The following SHISA9 variants were observed in gnomAD, a reference collection of about 807,000 sequenced individuals.
The protein encoded by SHISA9 is shisa family member 9.
Under a neutral mutation model 38.0 loss-of-function variants are expected in SHISA9, and 13 were observed. The ratio of observed to expected loss-of-function variants is 0.34; its 90% CI spans 0.22 to 0.54. The LOEUF (loss-of-function observed/expected upper bound fraction) is 0.54, where lower values mean the gene tolerates loss of function less well. Among genes scored for constraint, SHISA9 ranks in the 20% least tolerant of loss-of-function variants. SHISA9 has a pLI of 0.91. For missense variants in SHISA9, 538 were observed against 575.8 expected (o/e 0.93, Z 0.67); for synonymous variants, 275 against 242.0 (o/e 1.14, Z -1.27).
the SHISA9 span, among the ~76,000 whole-genome samples, chr16:13,356,902 C>T: frequency 1.3e-5 from 2 of 152,086 alleles, no homozygotes; most frequent in African/African-American, 4.8e-5. Flanking sequence ...GAACTACCGT[C>T]GAGTTTGTAT....
At chr16:13,071,230 C>T (rs576073742) in intron 2 of SHISA9, among the ~76,000 whole-genome samples, 77 of 152,146 alleles carry the variant, frequency 5.1e-4, no homozygotes, top group Admixed American at 1.8e-3. Context: ...CAGGGTCATA[C>T]GTACAGCCAG....
chr16:13,265,630 C>T, the SHISA9 span, among the ~76,000 whole-genome samples: 11 of 141,140 alleles, frequency 7.8e-5, no homozygotes, highest in Non-Finnish European at 1.4e-4. Context: ...CTCTCCTCTT[C>T]TCTTCTCTCC....
At chr16:13,108,672 A>G (rs951894457) in intron 2 of SHISA9, among the ~76,000 whole-genome samples, 1 of 152,234 alleles carries the variant, frequency 6.6e-6, no homozygotes, top group Non-Finnish European at 1.5e-5. Flanking sequence ...TAGAGGGAAA[A>G]AAATCAGCGT....
intron 2 of SHISA9, among the ~76,000 whole-genome samples, chr16:13,114,582 C>T (rs2074012526): frequency 6.6e-6 from 1 of 151,582 alleles, no homozygotes; most frequent in African/African-American, 2.4e-5. Flanking sequence ...AACAACATGT[C>T]TTCAAATATT....
intron 2 of SHISA9, among the ~76,000 whole-genome samples, chr16:13,090,401 G>A (rs777789621): frequency 8.5e-5 from 13 of 152,118 alleles, no homozygotes; most frequent in South Asian, 2.1e-4. Context: ...TGACAGTGGG[G>A]TGTTAAAGTC....
At chr16:13,475,810 G>A in the SHISA9 span, among the ~76,000 whole-genome samples, 2 of 152,138 alleles carry the variant, frequency 1.3e-5, no homozygotes, top group African/African-American at 4.8e-5. Flanking sequence ...GGGAGACACT[G>A]ACAGATCATC....
At chr16:13,552,695 G>A in the SHISA9 span, among the ~76,000 whole-genome samples, 1 of 152,056 alleles carries the variant, frequency 6.6e-6, no homozygotes, top group South Asian at 2.1e-4. Flanking sequence ...GTGGAGCCTG[G>A]GGTGCTTTAG....
chr16:12,961,581 C>T lies in SHISA9; in HGVS notation c.691+44766C>T, dbSNP rs371730341. ...TGGAAAGGTCCCCAGAGCACCCCGG[C>T]CAAAACTGAGGAAGAGAACAGAGTT... On this transcript the variant is annotated intron_variant, in intron 2 of 4. Coordinates refer to ENST00000558583, the MANE Select transcript of SHISA9 (RefSeq NM_001145204.3). 1.6e-3 allele frequency among the ~76,000 whole-genome samples: 236 copies of T among 152,036 alleles called. 7 individuals carry two copies. The South Asian group carries it at 0.045, about 29-fold the overall frequency.
At chr16:13,212,418 A>G (rs2051129798) in intron 3 of SHISA9, among the ~76,000 whole-genome samples, 1 of 152,326 alleles carries the variant, frequency 6.6e-6, no homozygotes, top group East Asian at 1.9e-4. Flanking sequence ...AGTATCCTTC[A>G]TTTTATGAAA....
the SHISA9 span, among the ~76,000 whole-genome samples, chr16:13,390,180 C>CT: frequency 2.7e-5 from 4 of 149,920 alleles, no homozygotes; most frequent in Non-Finnish European, 4.4e-5. Context: ...TTCTCTCTCT[C>CT]TTTTTATAAG....
the SHISA9 span, among the ~76,000 whole-genome samples, chr16:13,503,702 T>C: frequency 6.8e-6 from 1 of 146,710 alleles, no homozygotes; most frequent in Non-Finnish European, 1.5e-5. Flanking sequence ...AAAAAAAAAT[T>C]GTAACTGTAT....
chr16:13,117,685 T>C (rs912032196), intron 2 of SHISA9, among the ~76,000 whole-genome samples: 19 of 152,166 alleles, frequency 1.2e-4, no homozygotes, highest in Non-Finnish European at 4.4e-5. Flanking sequence ...CCCTAGAGCC[T>C]TGGGAAGGGG....
At chr16:13,205,770 T>A (rs187008000) in intron 3 of SHISA9, among the ~76,000 whole-genome samples, 1 of 152,080 alleles carries the variant, frequency 6.6e-6, no homozygotes, top group African/African-American at 2.4e-5. Flanking sequence ...CTTCTTCTTT[T>A]TTCTTTTTTG....
At chr16:13,063,477 G>T (rs903566643) in intron 2 of SHISA9, among the ~76,000 whole-genome samples, 4 of 152,100 alleles carry the variant, frequency 2.6e-5, no homozygotes, top group Non-Finnish European at 5.9e-5. Context: ...TTGAATCTCA[G>T]TTTTCTCATC....
the SHISA9 span, among the ~76,000 whole-genome samples, chr16:13,384,145 T>A: frequency 6.6e-6 from 1 of 152,166 alleles, no homozygotes; most frequent in Admixed American, 6.5e-5. Flanking sequence ...CATTGAAATG[T>A]CTAGCAAATT....
At chr16:13,222,815 T>TATATATATATATAC (rs1430368739) in intron 4 of SHISA9, among the ~76,000 whole-genome samples, 2 of 70,922 alleles carry the variant, frequency 2.8e-5, no homozygotes, top group African/African-American at 1.9e-4. Flanking sequence ...TATATATACA[T>TATATATATATATAC]ACACACACCA....
At chr16:13,443,159 A>G in the SHISA9 span, among the ~76,000 whole-genome samples, 1 of 152,220 alleles carries the variant, frequency 6.6e-6, no homozygotes, top group Non-Finnish European at 1.5e-5. Flanking sequence ...GTGGAAAACA[A>G]TGTTTCAGGA....
the SHISA9 span, among the ~76,000 whole-genome samples, chr16:13,434,419 G>GTTTTTTTTTTTTTTTTTTTTT: frequency 2.6e-3 from 166 of 64,462 alleles, 24 homozygotes; most frequent in Middle Eastern, 0.02. Flanking sequence ...GACAAGCTAT[G>GTTTTTTTTTTTTTTTTTTTTT]TTTTTTTTTT....
At chr16:13,001,687 C>G (rs2072527683) in intron 2 of SHISA9, among the ~76,000 whole-genome samples, 1 of 152,044 alleles carries the variant, frequency 6.6e-6, no homozygotes, top group South Asian at 2.1e-4. Flanking sequence ...AAATAGTATT[C>G]CTAAGATTTG....
Sources: allele counts gnomAD v4.1 joint callset (sites outside exome capture counted in the v4.1 genomes callset), GRCh38; gene constraint gnomAD v4.1.1; transcripts MANE v1.5; gene names NCBI Gene and HGNC (gene_info 2026-07-23, HGNC 2026-07-21).